ERO1A: variants seen among roughly 807,000 people sequenced by gnomAD.
The protein encoded by ERO1A is endoplasmic reticulum oxidoreductase 1 alpha, also known as ERO1-like protein alpha.
In ERO1A, 49 loss-of-function variants were observed where a neutral mutation model predicts 76.9. The ratio of observed to expected loss-of-function variants is 0.64; its 90% CI spans 0.51 to 0.81. ERO1A has a LOEUF of 0.81. ERO1A is among the 30% of genes least tolerant of loss of function. ERO1A has a pLI of 0.00. For missense variants in ERO1A, 448 were observed against 542.1 expected (o/e 0.83, Z 1.72); for synonymous variants, 174 against 181.2 (o/e 0.96, Z 0.32).
At chr14:52,650,490 TA>T (rs34931114) in intron 13 of ERO1A, among the ~76,000 whole-genome samples, 25,007 of 142,570 alleles carry the variant, frequency 0.18, 2,369 homozygotes, top group African/African-American at 0.28. Flanking sequence ...TAAACCTACT[TA>T]AAAAAAAAAA....
intron 15 of ERO1A, among the ~76,000 whole-genome samples, chr14:52,644,653 T>G (rs2039583985): frequency 6.6e-6 from 1 of 152,288 alleles, no homozygotes; most frequent in South Asian, 2.1e-4. Flanking sequence ...TTTAAATGCA[T>G]AAGTATATGA....
Position 52,643,484 on chromosome 14 carries a change from G to T in ERO1A, c.*86C>A. On this transcript the variant is annotated 3_prime_UTR_variant, in exon 16 of 16. Transcript: ENST00000395686. ...ACTTTATATAAAATGTTTGGCTTAA[G>T]ACTGTCATTGCTATTATGCCTTTGA... 1 of 844,484 alleles carries T rather than the reference G, an allele frequency of 1.2e-6. No homozygotes were observed. The highest frequency in any genetic ancestry group is 1.8e-6 in the Non-Finnish European group (1 of 565,030). The allele number at this position is 844,484 out of a possible 1,614,324, so 52.3% of individuals were successfully genotyped here. A position where few individuals can be genotyped will look rare whatever the true frequency, so the allele number is the denominator to read the frequency against.
chr14:52,678,228 C>T (rs2040868435), intron 4 of ERO1A: 1 of 379,994 alleles, frequency 2.6e-6, no homozygotes, highest in Non-Finnish European at 4.7e-6. Flanking sequence ...CACGCCACTG[C>T]TCCATCTCAA....
intron 1 of ERO1A, 69 bp from the exon 2 acceptor site, chr14:52,683,976 GGT>G: frequency 2.3e-6 from 3 of 1,301,516 alleles, no homozygotes; most frequent in South Asian, 1.7e-5. Context: ...TTCCTCACAT[GGT>G]TGTTAGGAAA....
At chr14:52,658,284 T>G (rs1464000637) in intron 9 of ERO1A, 134 bp from the exon 10 acceptor site, 5 of 628,428 alleles carry the variant, frequency 8.0e-6, no homozygotes, top group Non-Finnish European at 1.4e-5. Flanking sequence ...GGTCCAAGTC[T>G]TAATTGCAAT....
intron 8 of ERO1A, 26 bp from the exon 9 acceptor site, chr14:52,661,330 TA>T: frequency 7.1e-7 from 1 of 1,415,626 alleles, no homozygotes; most frequent in Non-Finnish European, 9.4e-7. Context: ...AAATGTTTAT[TA>T]AAATAAATTC....
chr14:52,668,546 G>A (rs3783452), intron 6 of ERO1A, among the ~76,000 whole-genome samples: 22,745 of 150,094 alleles, frequency 0.15, 1,915 homozygotes, highest in African/African-American at 0.22. Context: ...ACTCTGCCTC[G>A]GAAAAAAAAT....
At chr14:52,669,454 G>T (rs1018331886) in intron 6 of ERO1A, among the ~76,000 whole-genome samples, 1 of 152,126 alleles carries the variant, frequency 6.6e-6, no homozygotes, top group Non-Finnish European at 1.5e-5. Flanking sequence ...AGGGAGTTGG[G>T]AGAACATCTT....
At chr14:52,685,851 T>G (rs1566647327) in intron 1 of ERO1A, among the ~76,000 whole-genome samples, 1 of 152,186 alleles carries the variant, frequency 6.6e-6, no homozygotes, top group Non-Finnish European at 1.5e-5. Flanking sequence ...CAGCAGTGAA[T>G]TTATCTATTT....
intron 1 of ERO1A, among the ~76,000 whole-genome samples, chr14:52,690,922 C>T (rs544378570): frequency 1.3e-5 from 2 of 152,204 alleles, no homozygotes; most frequent in East Asian, 3.9e-4. Context: ...CATGTGCCAC[C>T]ACGCCCAGCT....
rs1051583275 is a variant in ERO1A, at chr14:52,641,417, C to G, written c.*2153G>C. ...GAGATCAAGACCATCCTGGCTAACA[C>G]GGTGAAACACTGCCTCTACTAAAAA... On this transcript the variant is annotated 3_prime_UTR_variant, in exon 16 of 16. Coordinates refer to ENST00000395686, the MANE Select transcript of ERO1A (RefSeq NM_014584.3). 3 of 130,958 alleles carry G rather than the reference C, an allele frequency of 2.3e-5. No homozygotes were observed. The highest frequency in any genetic ancestry group is 8.8e-5 in the African/African-American group (3 of 34,070). The allele number at this position is 130,958 out of a possible 1,614,324, so 8.1% of individuals were successfully genotyped here.
At chr14:52,677,990 A>G (rs1012403958) in intron 4 of ERO1A, among the ~76,000 whole-genome samples, 3 of 150,976 alleles carry the variant, frequency 2.0e-5, no homozygotes, top group Non-Finnish European at 3.0e-5. Context: ...AACAGGCCGG[A>G]CGCGGTGGCT....
In ERO1A at chr14:52,682,437, T is replaced by A. The variant is rs774465799; in HGVS notation, c.235-29A>T. On this transcript the variant is annotated intron_variant, in intron 2 of 15. Coordinates refer to ENST00000395686, the MANE Select transcript of ERO1A (RefSeq NM_014584.3). ...TAAAATAATAATAGAAAAAAAATTA[T>A]AAAAATCAGAATCCCAAAATTATAA... 4 of 1,505,180 alleles carry A rather than the reference T, an allele frequency of 2.7e-6. No individual in the cohort carries two copies. The African/African-American group carries it at 4.2e-5, about 16-fold the overall frequency. 93.2% of individuals were successfully genotyped at this position (1,505,180 alleles called of 1,614,324 possible).
chr14:52,650,578 ATG>A (rs1566635004), intron 13 of ERO1A, among the ~76,000 whole-genome samples: 1 of 151,728 alleles, frequency 6.6e-6, no homozygotes, highest in Admixed American at 6.6e-5. Context: ...ATATAATTTC[ATG>A]TGTGTGTGTA....
At chr14:52,678,217 T>G (rs1173116924) in intron 4 of ERO1A, 1 of 348,758 alleles carries the variant, frequency 2.9e-6, no homozygotes, top group Non-Finnish European at 5.1e-6. Context: ...TGAGCCAAGA[T>G]CACGCCACTG....
chr14:52,668,078 T>G (rs1245315592), intron 6 of ERO1A, among the ~76,000 whole-genome samples: 1 of 151,968 alleles, frequency 6.6e-6, no homozygotes, highest in Non-Finnish European at 1.5e-5. Flanking sequence ...CAGAGTTCAA[T>G]GCAGAAGTGG....
Position 52,653,149 on chromosome 14 carries a change from T to C in ERO1A, c.975A>G (p.Pro325=), listed in dbSNP as rs1182254347. 2.5e-6 allele frequency: 4 copies of C among 1,613,106 alleles called. No homozygotes were observed. The highest frequency in any genetic ancestry group is 3.4e-6 in the Non-Finnish European group (4 of 1,179,190). The stretch of plus-strand genomic sequence containing the variant: ...TATTTCCAGTAAAGAGTTGAAAATC[T>C]GGGCGCTCGAAGAATGGTAACACTT... ...LSKVLPFFER[P]DFQLFTGNKI... The change falls in exon 12 of 16, where the codon CCA becomes CCG. Residue 325 remains proline (P), a synonymous_variant. Coordinates refer to ENST00000395686, the MANE Select transcript of ERO1A (RefSeq NM_014584.3).
chr14:52,677,903 G>C lies in ERO1A; in HGVS notation c.357+531C>G, dbSNP rs553675957. 2.2e-5 allele frequency among the ~76,000 whole-genome samples: 3 copies of C among 139,056 alleles called. No homozygotes were observed. The East Asian group carries it at 6.3e-4, about 29-fold the overall frequency. The allele number at this position is 139,056 out of a possible 152,430, so 91.2% of individuals were successfully genotyped here. A position where few individuals can be genotyped will look rare whatever the true frequency, so the allele number is the denominator to read the frequency against. On this transcript the variant is annotated intron_variant, in intron 4 of 15. Transcript: ENST00000395686. The stretch of plus-strand genomic sequence containing the variant: ...AAAAAAAAAAAAATTAAAGAACTCT[G>C]AATAACATATGGACTTTCAGATACA...
chr14:52,671,991 C>G, intron 4 of ERO1A, 120 bp from the exon 5 acceptor site: 2 of 751,834 alleles, frequency 2.7e-6, no homozygotes, highest in South Asian at 4.2e-5. Flanking sequence ...GTTCTTATTG[C>G]TTTTAATTTT....
Sources: gnomAD v4.1 joint callset for allele counts (sites outside exome capture counted in the v4.1 genomes callset) on GRCh38, gnomAD v4.1.1 for gene constraint, MANE v1.5 for transcripts, NCBI Gene and HGNC (gene_info 2026-07-23, HGNC 2026-07-21) for gene names.